ZNF676: variants seen among roughly 807,000 people sequenced by gnomAD.
ZNF676 encodes the protein zinc finger protein 676.
A neutral mutation model predicts 6.0 loss-of-function variants in ZNF676; 4 were observed. That is an observed-to-expected ratio of 0.67 (90% confidence interval 0.33 to 1.53). The LOEUF is 1.53. Among genes scored for constraint, ZNF676 ranks in the 40% most tolerant of loss-of-function variants. ZNF676 has a pLI of 0.06. For synonymous variants in ZNF676, 198 were observed against 223.1 expected (o/e 0.89, Z 1.00); for missense variants, 644 against 679.7 (o/e 0.95, Z 0.58).
At chr19:22,208,169 A>G (rs1295649097) in intron 1 of ZNF676, among the ~76,000 whole-genome samples, 1 of 150,310 alleles carries the variant, frequency 6.7e-6, no homozygotes, top group East Asian at 1.9e-4. Flanking sequence ...CACCCTACAA[A>G]ATAATAGGAA....
chr19:22,230,141 A>G, the ZNF676 span, among the ~76,000 whole-genome samples: 5 of 152,230 alleles, frequency 3.3e-5, no homozygotes, highest in South Asian at 2.1e-4. Flanking sequence ...AATGTGGCAC[A>G]TATACACCAC....
Position 22,179,783 on chromosome 19 carries a change from T to C in ZNF676, c.*167A>G. ...AAGCCTTTGTCACATTCTTCACGTTTGTAGTGTTTCTCTCCAGCATGAATT... is the reference window on the plus strand; with the variant it reads ...AAGCCTTTGTCACATTCTTCACGTTCGTAGTGTTTCTCTCCAGCATGAATT... On this transcript the variant is annotated 3_prime_UTR_variant, in exon 3 of 3. Coordinates refer to ENST00000397121, the MANE Select transcript of ZNF676 (RefSeq NM_001001411.3). 1.2e-6 allele frequency: 1 copy of C among 861,154 alleles called. No homozygotes were observed. The highest frequency in any genetic ancestry group is 1.9e-6 in the Non-Finnish European group (1 of 518,810). The allele number at this position is 861,154 out of a possible 1,614,324, so 53.3% of individuals were successfully genotyped here.
the ZNF676 span, among the ~76,000 whole-genome samples, chr19:22,235,213 A>G: frequency 6.6e-6 from 1 of 152,168 alleles, no homozygotes; most frequent in Non-Finnish European, 1.5e-5. Flanking sequence ...AAGGCTTGCC[A>G]AAGGCTGCAA....
upstream of ZNF676, among the ~76,000 whole-genome samples, chr19:22,197,894 T>C (rs2023985752): frequency 6.6e-6 from 1 of 152,110 alleles, no homozygotes; most frequent in South Asian, 2.1e-4. Context: ...TTGCCCCCCC[T>C]CTGAAAGGTA....
At chr19:22,182,585 T>TTAAAAAAAAAAAAAAAAAAAAAAAA (rs376894161) in intron 2 of ZNF676, among the ~76,000 whole-genome samples, 3 of 45,046 alleles carry the variant, frequency 6.7e-5, no homozygotes, top group African/African-American at 3.2e-4. Context: ...GTCAAAGTTC[T>TTAAAAAAAAAAAAAAAAAAAAAAAA]AAAAAAAAAA....
At chr19:22,216,397 T>C (rs1016245435), upstream of ZNF676, among the ~76,000 whole-genome samples, 1 of 152,014 alleles carries the variant, frequency 6.6e-6, no homozygotes, top group Non-Finnish European at 1.5e-5. Context: ...ATCAAGCCAT[T>C]GCACTGCGGC....
At chr19:22,186,670 A>C (rs1243547892) in intron 2 of ZNF676, among the ~76,000 whole-genome samples, 3 of 152,246 alleles carry the variant, frequency 2.0e-5, no homozygotes, top group Non-Finnish European at 2.9e-5. Flanking sequence ...TAGGCTCAAA[A>C]TAAATTGATG....
At chr19:22,227,511 A>C in the ZNF676 span, among the ~76,000 whole-genome samples, 1 of 152,224 alleles carries the variant, frequency 6.6e-6, no homozygotes, top group Admixed American at 6.5e-5. Context: ...AACTAAGATT[A>C]GAGCAGAACT....
At chr19:22,246,914 C>A in the ZNF676 span, among the ~76,000 whole-genome samples, 1 of 152,350 alleles carries the variant, frequency 6.6e-6, no homozygotes, top group African/African-American at 2.4e-5. Flanking sequence ...GCCTATGGAG[C>A]AGCTTTTTTT....
At chr19:22,234,126 A>G in the ZNF676 span, among the ~76,000 whole-genome samples, 1 of 152,216 alleles carries the variant, frequency 6.6e-6, no homozygotes, top group Non-Finnish European at 1.5e-5. Flanking sequence ...AATTCTGCCC[A>G]CTGGGAAGAC....
intron 1 of ZNF676, among the ~76,000 whole-genome samples, chr19:22,205,541 C>T (rs1318950250): frequency 1.3e-5 from 2 of 152,028 alleles, no homozygotes; most frequent in Non-Finnish European, 2.9e-5. Context: ...AATTAAATGG[C>T]CTACACTTGA....
intron 1 of ZNF676, among the ~76,000 whole-genome samples, chr19:22,194,020 C>G (rs1409477082): frequency 2.0e-5 from 3 of 152,098 alleles, no homozygotes; most frequent in Non-Finnish European, 4.4e-5. Flanking sequence ...GCAGATCAGG[C>G]TAGGTAGAAT....
At chr19:22,185,680 G>T (rs754555654) in intron 2 of ZNF676, among the ~76,000 whole-genome samples, 6 of 152,104 alleles carry the variant, frequency 3.9e-5, no homozygotes, top group African/African-American at 1.2e-4. Flanking sequence ...GTTTAGAGAA[G>T]AACATAAATG....
chr19:22,219,918 G>A (rs990148447), upstream of ZNF676, among the ~76,000 whole-genome samples: 4 of 152,096 alleles, frequency 2.6e-5, no homozygotes, highest in African/African-American at 9.7e-5. Flanking sequence ...GCCTCCCAAA[G>A]TGCTGGGATT....
chr19:22,216,415 A>C, upstream of ZNF676, among the ~76,000 whole-genome samples: 1 of 150,724 alleles, frequency 6.6e-6, no homozygotes, highest in East Asian at 1.9e-4. Flanking sequence ...GGCCTGGGCA[A>C]CAAGAGTGAA....
chr19:22,226,445 T>C, the ZNF676 span, among the ~76,000 whole-genome samples: 7 of 152,182 alleles, frequency 4.6e-5, no homozygotes, highest in African/African-American at 1.7e-4. Flanking sequence ...TTAGGAATTT[T>C]ATAGAAATTA....
Position 22,181,334 on chromosome 19 carries a change from G to C in ZNF676, c.383C>G (p.Ser128Ter). 1 of 1,613,650 alleles carries C rather than the reference G, an allele frequency of 6.2e-7. No individual in the cohort carries two copies. The highest frequency in any genetic ancestry group is 8.5e-7 in the Non-Finnish European group (1 of 1,179,746). The change falls in exon 3 of 3, where the codon TCA becomes TGA. Residue 128 changes from serine to a stop codon, truncating the protein, a stop_gained. Coordinates refer to ENST00000397121, the MANE Select transcript of ZNF676 (RefSeq NM_001001411.3). LOFTEE classifies it low-confidence loss of function (END_TRUNC). ...AGTATGCCTTATCTTATGTCTGTTT[G>C]AATTTGAACATTTATGAAAGACGTT... ...YANVFHKCSNSNRHKIRHTGE... is the reference protein window; with the variant it reads ...YANVFHKCSN
the ZNF676 span, among the ~76,000 whole-genome samples, chr19:22,240,647 A>G: frequency 1.3e-5 from 2 of 151,836 alleles, no homozygotes; most frequent in Non-Finnish European, 2.9e-5. Context: ...TACAAAATAC[A>G]CCAAGTGTGG....
the ZNF676 span, among the ~76,000 whole-genome samples, chr19:22,231,048 T>A: frequency 6.6e-6 from 1 of 151,978 alleles, no homozygotes; most frequent in Non-Finnish European, 1.5e-5. Context: ...GCAGAAAACA[T>A]TTTTAAGTAT....
Sources: gnomAD v4.1 joint callset for allele counts (sites outside exome capture counted in the v4.1 genomes callset) on GRCh38, gnomAD v4.1.1 for gene constraint, MANE v1.5 for transcripts, NCBI Gene and HGNC (gene_info 2026-07-23, HGNC 2026-07-21) for gene names.